The following CA10 variants were observed in gnomAD, a reference collection of about 807,000 sequenced individuals.
CA10 encodes carbonic anhydrase 10 (inactive).
Under a neutral mutation model 44.2 loss-of-function variants are expected in CA10, and 14 were observed. The observed-to-expected ratio is 0.32, with a 90% CI of 0.21 to 0.50. The LOEUF (loss-of-function observed/expected upper bound fraction) is 0.50, where lower values mean the gene tolerates loss of function less well. Among genes scored for constraint, CA10 ranks in the 20% least tolerant of loss-of-function variants. The pLI is 0.99. For synonymous variants in CA10, 159 were observed against 141.6 expected (o/e 1.12, Z -0.87); for missense variants, 350 against 409.7 (o/e 0.85, Z 1.26).
chr17:51,816,041 G>C (rs1321098077), intron 3 of CA10, among the ~76,000 whole-genome samples: 1 of 151,728 alleles, frequency 6.6e-6, no homozygotes, highest in Non-Finnish European at 1.5e-5. Context: ...TAATTTTTTT[G>C]TACCCATTAA....
chr17:51,714,809 G>C (rs567726962), intron 4 of CA10, among the ~76,000 whole-genome samples: 3 of 152,322 alleles, frequency 2.0e-5, no homozygotes, highest in African/African-American at 4.8e-5. Context: ...CCTGAGGAGA[G>C]AGTGGGCAGG....
At chr17:51,947,263 T>C (rs1983316351) in intron 2 of CA10, among the ~76,000 whole-genome samples, 1 of 145,824 alleles carries the variant, frequency 6.9e-6, no homozygotes, top group Non-Finnish European at 1.5e-5. Flanking sequence ...AAACCTTGTC[T>C]AGACTTTGAG....
intron 2 of CA10, among the ~76,000 whole-genome samples, chr17:52,023,466 T>C (rs1219008993): frequency 6.6e-6 from 1 of 151,910 alleles, no homozygotes; most frequent in African/African-American, 2.4e-5. Flanking sequence ...AAAAATAAAC[T>C]CAAGATGGAT....
intron 2 of CA10, among the ~76,000 whole-genome samples, chr17:52,048,658 G>A (rs1986979991): frequency 6.6e-6 from 1 of 152,018 alleles, no homozygotes. Flanking sequence ...GTGGGGTAGA[G>A]TAGGAAAATA....
chr17:51,884,623 T>C (rs955326581), intron 3 of CA10, among the ~76,000 whole-genome samples: 1 of 152,220 alleles, frequency 6.6e-6, no homozygotes, highest in Non-Finnish European at 1.5e-5. Flanking sequence ...CATTTTCTTC[T>C]TCATAGCACT....
At chr17:51,784,282 C>G (rs2143683834) in intron 3 of CA10, among the ~76,000 whole-genome samples, 1 of 152,228 alleles carries the variant, frequency 6.6e-6, no homozygotes, top group East Asian at 1.9e-4. Flanking sequence ...GCACGCCATC[C>G]AGCTGCTGCC....
At chr17:51,758,971 G>A (rs1329862554) in intron 3 of CA10, among the ~76,000 whole-genome samples, 1 of 152,108 alleles carries the variant, frequency 6.6e-6, no homozygotes, top group Non-Finnish European at 1.5e-5. Flanking sequence ...ATGCTTCACT[G>A]TGCTTCTCTT....
At chr17:51,670,939 C>T (rs943546226) in intron 4 of CA10, among the ~76,000 whole-genome samples, 1 of 152,108 alleles carries the variant, frequency 6.6e-6, no homozygotes, top group Non-Finnish European at 1.5e-5. Flanking sequence ...AGTTATCTGG[C>T]CTCTAATAGA....
chr17:52,053,454 G>T (rs1451547997), intron 2 of CA10, among the ~76,000 whole-genome samples: 1 of 152,028 alleles, frequency 6.6e-6, no homozygotes, highest in African/African-American at 2.4e-5. Context: ...ATACTTGCAA[G>T]AATTTAGCAA....
intron 2 of CA10, among the ~76,000 whole-genome samples, chr17:52,035,357 C>T (rs1380842500): frequency 1.1e-4 from 14 of 123,184 alleles, no homozygotes; most frequent in Non-Finnish European, 2.1e-4. Flanking sequence ...CCCTCTCATC[C>T]GTCCCCTTTT....
intron 6 of CA10, among the ~76,000 whole-genome samples, chr17:51,638,798 G>GTTGAC (rs966871439): frequency 7.2e-5 from 11 of 152,230 alleles, no homozygotes; most frequent in African/African-American, 2.7e-4. Flanking sequence ...GAATCGAGGA[G>GTTGAC]TTGACTTGAA....
intron 2 of CA10, among the ~76,000 whole-genome samples, chr17:52,028,428 A>G (rs1986365105): frequency 6.6e-6 from 1 of 152,182 alleles, no homozygotes; most frequent in African/African-American, 2.4e-5. Flanking sequence ...AAAACTTCAA[A>G]ACACTTCATG....
chr17:52,081,958 G>C (rs1328657266), intron 1 of CA10, among the ~76,000 whole-genome samples: 1 of 152,122 alleles, frequency 6.6e-6, no homozygotes, highest in African/African-American at 2.4e-5. Flanking sequence ...GGGAGACTAA[G>C]GGAGTAATTT....
chr17:51,760,352 C>G (rs1055404652), intron 3 of CA10, among the ~76,000 whole-genome samples: 3 of 152,320 alleles, frequency 2.0e-5, no homozygotes, highest in Non-Finnish European at 2.9e-5. Flanking sequence ...CCTATAGGCT[C>G]TCTCTCACTA....
At chr17:51,792,662 A>C (rs28375579) in intron 3 of CA10, among the ~76,000 whole-genome samples, 7,075 of 147,096 alleles carry the variant, frequency 0.048, 399 homozygotes, top group African/African-American at 0.14. Flanking sequence ...AAGAAAAGAA[A>C]GGAAAATAAG....
intron 4 of CA10, among the ~76,000 whole-genome samples, chr17:51,693,250 C>G (rs1459390005): frequency 1.3e-5 from 2 of 152,156 alleles, no homozygotes; most frequent in Non-Finnish European, 2.9e-5. Flanking sequence ...CTGGCTTCAA[C>G]TGGTTTAAAG....
intron 1 of CA10, among the ~76,000 whole-genome samples, chr17:52,129,987 G>A (rs1315906209): frequency 6.6e-6 from 1 of 152,122 alleles, no homozygotes; most frequent in East Asian, 1.9e-4. Flanking sequence ...AATAGCCAAA[G>A]GACCTGAATA....
chr17:52,083,040 T>C (rs918791761), intron 1 of CA10, among the ~76,000 whole-genome samples: 25 of 152,178 alleles, frequency 1.6e-4, no homozygotes, highest in Admixed American at 4.6e-4. Context: ...CCATAAATCA[T>C]AGCAATAAGG....
At chr17:51,805,328 GTC>G (rs1423698558) in intron 3 of CA10, among the ~76,000 whole-genome samples, 1 of 152,180 alleles carries the variant, frequency 6.6e-6, no homozygotes, top group Non-Finnish European at 1.5e-5. Context: ...TTGAGTAAAA[GTC>G]TCTCCCTTAA....
Sources: gnomAD v4.1 joint callset for allele counts (sites outside exome capture counted in the v4.1 genomes callset) on GRCh38, gnomAD v4.1.1 for gene constraint, MANE v1.5 for transcripts, NCBI Gene and HGNC (gene_info 2026-07-23, HGNC 2026-07-21) for gene names.